Variants in TUSC3 observed in about 807,000 individuals in gnomAD.
TUSC3 encodes the protein tumor suppressor candidate 3.
Under a neutral mutation model 44.8 loss-of-function variants are expected in TUSC3, and 45 were observed. The observed-to-expected ratio is 1.00, with a 90% confidence interval of 0.79 to 1.29. The LOEUF is 1.29. Among genes scored for constraint, TUSC3 ranks in the 50% most tolerant of loss-of-function variants. The pLI is 0.00. For missense variants in TUSC3, 519 were observed against 437.9 expected (o/e 1.19, Z -1.65); for synonymous variants, 212 against 152.9 (o/e 1.39, Z -2.85).
intron 2 of TUSC3, among the ~76,000 whole-genome samples, chr8:15,509,992 A>G (rs1290766115): frequency 6.6e-6 from 1 of 152,144 alleles, no homozygotes; most frequent in Non-Finnish European, 1.5e-5. Context: ...CCACATAGCA[A>G]GACCTCATCT....
At chr8:15,508,380 G>C (rs1194748570) in intron 2 of TUSC3, among the ~76,000 whole-genome samples, 2 of 151,196 alleles carry the variant, frequency 1.3e-5, no homozygotes, top group Non-Finnish European at 2.9e-5. Flanking sequence ...CTCAGGGAGG[G>C]AGAAAGGACA....
At chr8:15,749,669 A>G (rs969943288) in intron 9 of TUSC3, among the ~76,000 whole-genome samples, 1 of 151,472 alleles carries the variant, frequency 6.6e-6, no homozygotes, top group Non-Finnish European at 1.5e-5. Context: ...GAGCCAGCCA[A>G]TTTTGGTTTT....
the TUSC3 span, among the ~76,000 whole-genome samples, chr8:15,827,239 G>A: frequency 1.3e-5 from 2 of 152,158 alleles, no homozygotes; most frequent in South Asian, 4.1e-4. Context: ...CTATTAGGGA[G>A]CACTAACATT....
chr8:15,495,081 A>T (rs1800863496), intron 2 of TUSC3, among the ~76,000 whole-genome samples: 1 of 152,026 alleles, frequency 6.6e-6, no homozygotes, highest in Non-Finnish European at 1.5e-5. Context: ...AAAATACAGG[A>T]TCTCATTCTT....
chr8:15,572,922 C>G (rs1802931298), intron 1 of TUSC3, among the ~76,000 whole-genome samples: 1 of 151,910 alleles, frequency 6.6e-6, no homozygotes, highest in Non-Finnish European at 1.5e-5. Flanking sequence ...TCACTGGTCA[C>G]AGATTTCCAT....
At chr8:15,615,007 C>T (rs1804931090) in intron 1 of TUSC3, among the ~76,000 whole-genome samples, 3 of 150,016 alleles carry the variant, frequency 2.0e-5, no homozygotes, top group Non-Finnish European at 4.4e-5. Flanking sequence ...GTACACTCAT[C>T]GTGGGAATGT....
Position 15,540,706 on chromosome 8 carries a change from G to C in TUSC3, c.138+138G>C, listed in dbSNP as rs892980333. ...GCCGGCGCTGGGGCGGGAGCCGCGA[G>C]GGTGGGAGGCCCTGGGGCGTTTCCG... On this transcript the variant is annotated intron_variant, in intron 1 of 10. Coordinates refer to ENST00000503731, the MANE Select transcript of TUSC3 (RefSeq NM_006765.4). 8.9e-6 allele frequency: 11 copies of C among 1,235,580 alleles called. No homozygotes were observed. The African/African-American group carries it at 1.7e-4, about 20-fold the overall frequency. 76.5% of individuals were successfully genotyped at this position (1,235,580 alleles called of 1,614,324 possible).
At chr8:15,691,170 C>G (rs1232824408) in intron 6 of TUSC3, among the ~76,000 whole-genome samples, 1 of 151,856 alleles carries the variant, frequency 6.6e-6, no homozygotes, top group African/African-American at 2.4e-5. Flanking sequence ...TGTATCATCT[C>G]TGATTTCTTT....
At chr8:15,486,841 C>G (rs552878092) in intron 2 of TUSC3, among the ~76,000 whole-genome samples, 2 of 152,174 alleles carry the variant, frequency 1.3e-5, no homozygotes, top group African/African-American at 4.8e-5. Flanking sequence ...AGTAGCACTG[C>G]AAATATATCT....
intron 6 of TUSC3, among the ~76,000 whole-genome samples, chr8:15,707,161 A>G (rs1809652834): frequency 6.6e-6 from 1 of 152,036 alleles, no homozygotes; most frequent in Non-Finnish European, 1.5e-5. Context: ...AGAGTTAGTC[A>G]CTTTCATAAT....
At chr8:15,536,810 T>A (rs115601553), upstream of TUSC3, among the ~76,000 whole-genome samples, 706 of 151,664 alleles carry the variant, frequency 4.7e-3, 5 homozygotes, top group African/African-American at 0.016. Context: ...AAGCTCTGAT[T>A]TTCTATCTTG....
chr8:15,686,966 G>A (rs796927149), intron 6 of TUSC3, among the ~76,000 whole-genome samples: 71 of 152,212 alleles, frequency 4.7e-4, no homozygotes, highest in African/African-American at 1.7e-3. Context: ...CCAGCTACTC[G>A]GGAGGCTGAG....
intron 2 of TUSC3, among the ~76,000 whole-genome samples, chr8:15,503,178 C>T (rs911268696): frequency 5.9e-5 from 9 of 151,974 alleles, no homozygotes; most frequent in African/African-American, 2.2e-4. Context: ...TTACGGTGGG[C>T]CTTAATCTAA....
chr8:15,744,002 C>T (rs1000045264), intron 8 of TUSC3, among the ~76,000 whole-genome samples: 5 of 152,140 alleles, frequency 3.3e-5, no homozygotes, highest in Admixed American at 1.3e-4. Context: ...ATCAGGGGTG[C>T]GCTCAAAGCG....
At chr8:15,475,519 C>T (rs181820228) in intron 1 of TUSC3, among the ~76,000 whole-genome samples, 3 of 152,232 alleles carry the variant, frequency 2.0e-5, no homozygotes, top group African/African-American at 7.2e-5. Flanking sequence ...TTAAATTCCC[C>T]TAGATAAACA....
At chr8:15,480,861 A>T (rs1800648858) in intron 1 of TUSC3, among the ~76,000 whole-genome samples, 1 of 152,186 alleles carries the variant, frequency 6.6e-6, no homozygotes, top group South Asian at 2.1e-4. Context: ...CAATATACGA[A>T]TTTTGAGGTG....
intron 2 of TUSC3, among the ~76,000 whole-genome samples, chr8:15,629,147 G>T (rs558182248): frequency 6.6e-6 from 1 of 152,268 alleles, no homozygotes; most frequent in South Asian, 2.1e-4. Context: ...TGAGACTGTG[G>T]TAATATCTAG....
chr8:15,516,407 G>A (rs536939302), intron 2 of TUSC3, among the ~76,000 whole-genome samples: 7 of 152,164 alleles, frequency 4.6e-5, no homozygotes, highest in South Asian at 4.1e-4. Context: ...ACTTCAGGGC[G>A]TTATTCAATT....
chr8:15,583,242 A>G (rs890298670), intron 1 of TUSC3, among the ~76,000 whole-genome samples: 13 of 152,240 alleles, frequency 8.5e-5, no homozygotes, highest in African/African-American at 3.1e-4. Flanking sequence ...GACATTAAAC[A>G]TTTAATATTT....
Sources: gnomAD v4.1 joint callset for allele counts (sites outside exome capture counted in the v4.1 genomes callset) on GRCh38, gnomAD v4.1.1 for gene constraint, MANE v1.5 for transcripts, NCBI Gene and HGNC (gene_info 2026-07-23, HGNC 2026-07-21) for gene names.